NAV3: variants seen among roughly 807,000 people sequenced by gnomAD.
The protein encoded by NAV3 is pore membrane and/or filament interacting like protein 1.
A neutral mutation model predicts 244.7 loss-of-function variants in NAV3; 87 were observed. The observed-to-expected ratio is 0.36, with a 90% CI of 0.30 to 0.42. NAV3 has a LOEUF of 0.42. Among genes scored for constraint, NAV3 ranks in the 20% least tolerant of loss-of-function variants. NAV3 has a pLI of 1.00. For missense variants in NAV3, 2,663 were observed against 2,893.3 expected (o/e 0.92, Z 1.83); for synonymous variants, 1,126 against 1,042.2 (o/e 1.08, Z -1.55).
Position 77,906,080 on chromosome 12 carries a change from G to A in NAV3, c.244-34239G>A, listed in dbSNP as rs188130415. Among the ~76,000 whole-genome samples the A allele has an allele frequency of 2.6e-5, 4 of 152,274 alleles. No individual in the cohort carries two copies. In the East Asian group the frequency reaches 7.7e-4, roughly 29 times the overall value. ...AATTGTGGAGCATGCAGGAAAGGTA[G>A]AGAGCTATAGGCACTGGATTGATTA... On this transcript the variant is annotated intron_variant, in intron 1 of 39. Transcript: ENST00000397909.
chr12:77,778,369 C>T (rs1290118008), intron 2 of NAV3, among the ~76,000 whole-genome samples: 4 of 151,232 alleles, frequency 2.6e-5, no homozygotes, highest in Non-Finnish European at 5.9e-5. Flanking sequence ...TCCCAGCACT[C>T]TGGGAGGCCA....
chr12:77,663,280 T>G (rs1445717766), intron 2 of NAV3, among the ~76,000 whole-genome samples: 2 of 152,206 alleles, frequency 1.3e-5, no homozygotes, highest in African/African-American at 2.4e-5. Flanking sequence ...TACATCATAT[T>G]CTGACTACTA....
intron 12 of NAV3, among the ~76,000 whole-genome samples, chr12:78,068,698 CATT>C (rs1295862270): frequency 2.0e-5 from 3 of 148,200 alleles, no homozygotes; most frequent in Admixed American, 1.4e-4. Context: ...ATAAATCTGT[CATT>C]ATCTTGAAAT....
chr12:77,641,622 G>GT (rs1872414374), intron 2 of NAV3, among the ~76,000 whole-genome samples: 1 of 152,046 alleles, frequency 6.6e-6, no homozygotes, highest in African/African-American at 2.4e-5. Flanking sequence ...TTAGAAGCTT[G>GT]TAACAAAGTG....
intron 2 of NAV3, among the ~76,000 whole-genome samples, chr12:77,649,755 T>G (rs1470968795): frequency 4.6e-5 from 7 of 152,270 alleles, no homozygotes; most frequent in African/African-American, 1.7e-4. Context: ...TTCTGCTATA[T>G]TTTTTATGAC....
chr12:77,903,964 A>G (rs1885638747), intron 1 of NAV3, among the ~76,000 whole-genome samples: 1 of 152,182 alleles, frequency 6.6e-6, no homozygotes, highest in Non-Finnish European at 1.5e-5. Context: ...CACACCACCT[A>G]GAATGGCGAT....
chr12:78,029,769 C>A (rs1346206900), intron 9 of NAV3, among the ~76,000 whole-genome samples: 1 of 152,102 alleles, frequency 6.6e-6, no homozygotes. Flanking sequence ...GCTTAGTGAC[C>A]TTGAACACAT....
At chr12:78,131,615 A>G (rs374536820) in intron 18 of NAV3, among the ~76,000 whole-genome samples, 5 of 152,168 alleles carry the variant, frequency 3.3e-5, no homozygotes, top group Admixed American at 2.6e-4. Context: ...TCCTTCTTCT[A>G]TTTTTCCTCA....
intron 12 of NAV3, among the ~76,000 whole-genome samples, chr12:78,085,295 A>G (rs1184657939): frequency 6.6e-6 from 1 of 152,118 alleles, no homozygotes; most frequent in Non-Finnish European, 1.5e-5. Context: ...CTAGACTCAG[A>G]CTGAAGAAGC....
At chr12:77,713,106 C>A (rs117877704) in intron 2 of NAV3, among the ~76,000 whole-genome samples, 395 of 152,288 alleles carry the variant, frequency 2.6e-3, no homozygotes, top group Non-Finnish European at 5.0e-3. Context: ...CAAGAAATGG[C>A]TTTTTCAATT....
chr12:78,142,857 T>C (rs1045941378), intron 20 of NAV3, among the ~76,000 whole-genome samples: 4 of 151,566 alleles, frequency 2.6e-5, no homozygotes, highest in African/African-American at 9.7e-5. Flanking sequence ...AATTGAAAGT[T>C]GTATTTGAGA....
intron 2 of NAV3, among the ~76,000 whole-genome samples, chr12:77,659,648 G>T (rs187284676): frequency 0.025 from 3,786 of 152,214 alleles, 62 homozygotes; most frequent in Middle Eastern, 0.082. Context: ...CTGCTATAAA[G>T]ACACATGCAC....
At chr12:77,611,648 T>G (rs1870919089) in intron 2 of NAV3, among the ~76,000 whole-genome samples, 1 of 151,992 alleles carries the variant, frequency 6.6e-6, no homozygotes, top group South Asian at 2.1e-4. Context: ...TATAATCTAT[T>G]TATATATATC....
intron 1 of NAV3, among the ~76,000 whole-genome samples, chr12:77,876,300 A>G (rs1415304404): frequency 2.6e-5 from 4 of 152,194 alleles, no homozygotes; most frequent in South Asian, 2.1e-4. Context: ...GCTAATGTGC[A>G]ATAAGACTTC....
chr12:77,686,480 G>A (rs549216618), intron 2 of NAV3, among the ~76,000 whole-genome samples: 7 of 126,842 alleles, frequency 5.5e-5, no homozygotes, highest in East Asian at 4.4e-4. Context: ...AGTTGGTTTC[G>A]TAGTTTGGCT....
chr12:78,113,691 G>A (rs1955223695), intron 12 of NAV3, among the ~76,000 whole-genome samples: 1 of 152,166 alleles, frequency 6.6e-6, no homozygotes, highest in South Asian at 2.1e-4. Context: ...CCTGCGATGA[G>A]TAGGGTTGCC....
At chr12:77,848,724 A>AAGAGTTAAC (rs1382411018) in intron 1 of NAV3, among the ~76,000 whole-genome samples, 1 of 152,216 alleles carries the variant, frequency 6.6e-6, no homozygotes, top group Non-Finnish European at 1.5e-5. Flanking sequence ...ATACAGGATA[A>AAGAGTTAAC]AGAGTTAACT....
intron 2 of NAV3, among the ~76,000 whole-genome samples, chr12:77,777,814 C>CT (rs1013769596): frequency 1.3e-3 from 167 of 132,514 alleles, no homozygotes; most frequent in African/African-American, 1.8e-3. Flanking sequence ...TTTCTTTTTT[C>CT]TTTTTTTTTT....
rs878861996 is a variant in NAV3 at position 77,965,836 on chromosome 12, C to A, written c.415-393C>A. On this transcript the variant is annotated intron_variant, in intron 3 of 39. Coordinates refer to ENST00000397909, the MANE Select transcript of NAV3 (RefSeq NM_001024383.2). ...TCTATCTATCTTTTGACGTACTTGA[C>A]AAACACTGCTGGTTGAATCTAAATT... is the stretch of plus-strand genomic sequence containing the variant. Among the ~76,000 whole-genome samples the A allele has an allele frequency of 5.9e-5, 9 of 152,152 alleles. 1 individual carries two copies. The highest frequency in any genetic ancestry group is 5.9e-4 in the Admixed American group (9 of 15,262).
Sources: allele counts gnomAD v4.1 joint callset (sites outside exome capture counted in the v4.1 genomes callset), GRCh38; gene constraint gnomAD v4.1.1; transcripts MANE v1.5; gene names NCBI Gene and HGNC (gene_info 2026-07-23, HGNC 2026-07-21).